Variants in DLGAP1 observed in about 807,000 individuals in gnomAD.
DLGAP1 encodes the protein DLG associated protein 1, also known as disks large-associated protein 1.
Under a neutral mutation model 90.8 loss-of-function variants are expected in DLGAP1, and 11 were observed. The ratio of observed to expected loss-of-function variants is 0.12; its 90% CI spans 0.08 to 0.20. The LOEUF (loss-of-function observed/expected upper bound fraction) is 0.20, where lower values mean the gene tolerates loss of function less well. DLGAP1 is among the 10% of genes least tolerant of loss of function. The pLI, the probability that DLGAP1 is intolerant of heterozygous loss-of-function variation, is 1.00. For synonymous variants in DLGAP1, 558 were observed against 540.7 expected, an observed-to-expected ratio of 1.03 and a Z score of -0.44; for missense variants, 1,050 against 1,333.8, an observed-to-expected ratio of 0.79 and a Z score of 3.31.
chr18:4,166,586 C>T (rs1226269830), intron 1 of DLGAP1, among the ~76,000 whole-genome samples: 1 of 152,188 alleles, frequency 6.6e-6, no homozygotes, highest in Non-Finnish European at 1.5e-5. Context: ...TAGGCTTAAA[C>T]AGATATTTGT....
intron 2 of DLGAP1, among the ~76,000 whole-genome samples, chr18:4,074,536 C>T (rs534798551): frequency 1.1e-3 from 166 of 151,974 alleles, no homozygotes; most frequent in Non-Finnish European, 2.1e-3. Flanking sequence ...AAATCAATTG[C>T]CAAAAGCTTA....
At chr18:4,167,658 G>A (rs1386238679) in intron 1 of DLGAP1, among the ~76,000 whole-genome samples, 1 of 152,126 alleles carries the variant, frequency 6.6e-6, no homozygotes, top group Non-Finnish European at 1.5e-5. Flanking sequence ...ATATAGAAGA[G>A]CTGAACAACA....
intron 7 of DLGAP1, among the ~76,000 whole-genome samples, chr18:3,636,385 T>A (rs1184096947): frequency 6.6e-6 from 1 of 151,662 alleles, no homozygotes; most frequent in African/African-American, 2.4e-5. Context: ...CAATAGAATT[T>A]GTTTTCAATT....
At chr18:3,708,859 G>A (rs1227037822) in intron 7 of DLGAP1, among the ~76,000 whole-genome samples, 1 of 152,160 alleles carries the variant, frequency 6.6e-6, no homozygotes, top group East Asian at 1.9e-4. Context: ...TGCACATTAG[G>A]TGGAAGGAAG....
intron 3 of DLGAP1, among the ~76,000 whole-genome samples, chr18:3,963,781 T>C (rs2148990018): frequency 6.6e-6 from 1 of 152,190 alleles, no homozygotes; most frequent in African/African-American, 2.4e-5. Flanking sequence ...CCCCTTCAGC[T>C]CACGTCCAAC....
chr18:3,600,741 T>TATAGAG (rs1568277554), intron 7 of DLGAP1, among the ~76,000 whole-genome samples: 5 of 48,964 alleles, frequency 1.0e-4, no homozygotes, highest in African/African-American at 6.1e-4. Context: ...TATATATAGA[T>TATAGAG]ATATAGATAT....
At chr18:3,761,582 T>C (rs528590700) in intron 5 of DLGAP1, among the ~76,000 whole-genome samples, 31 of 149,898 alleles carry the variant, frequency 2.1e-4, no homozygotes, top group South Asian at 1.5e-3. Flanking sequence ...TTCTTTCTTT[T>C]TTTTTTTTTT....
chr18:3,768,727 G>T (rs2064373782), intron 5 of DLGAP1, among the ~76,000 whole-genome samples: 1 of 152,110 alleles, frequency 6.6e-6, no homozygotes, highest in East Asian at 1.9e-4. Context: ...TGGAGCAATT[G>T]GACATCCACA....
At chr18:3,788,195 T>C (rs1186421782) in intron 5 of DLGAP1, among the ~76,000 whole-genome samples, 1 of 152,242 alleles carries the variant, frequency 6.6e-6, no homozygotes. Flanking sequence ...TCTTTCTTCA[T>C]CTGAAACATG....
rs181400397 is a variant in DLGAP1 at position 4,261,164 on chromosome 18, T to C, written c.-266-109877A>G. ...CATGATGGGATTTGCACTGAAAATA[T>C]GTCACAGAGGAGAGAGAGAAAGAAA... On this transcript the variant is annotated intron_variant, in intron 1 of 12. Transcript: ENST00000315677. Among the ~76,000 whole-genome samples the C allele has an allele frequency of 3.7e-3, 556 of 152,274 alleles. 2 individuals carry two copies. Among genetic ancestry groups the C allele is most frequent in the Middle Eastern group, 0.017 (5 of 294 alleles).
intron 1 of DLGAP1, among the ~76,000 whole-genome samples, chr18:4,255,024 TG>T (rs1185187816): frequency 1.3e-5 from 2 of 152,296 alleles, no homozygotes; most frequent in African/African-American, 2.4e-5. Flanking sequence ...ATTAGCATGA[TG>T]GACTAGTGAG....
chr18:4,070,776 T>C (rs537776092), intron 2 of DLGAP1, among the ~76,000 whole-genome samples: 21 of 152,292 alleles, frequency 1.4e-4, no homozygotes, highest in African/African-American at 4.3e-4. Context: ...TCTTTAATTA[T>C]ATGAAGTAAA....
At chr18:4,402,061 A>G (rs2082566702) in intron 1 of DLGAP1, among the ~76,000 whole-genome samples, 1 of 152,224 alleles carries the variant, frequency 6.6e-6, no homozygotes, top group South Asian at 2.1e-4. Context: ...CTTGAGAGAA[A>G]GTAGCCTCAG....
chr18:4,270,803 C>T (rs2079261448), intron 1 of DLGAP1, among the ~76,000 whole-genome samples: 1 of 152,164 alleles, frequency 6.6e-6, no homozygotes, highest in Non-Finnish European at 1.5e-5. Context: ...TATAGAACTG[C>T]AGTCATGCAT....
At chr18:4,210,076 T>C (rs973146551) in intron 1 of DLGAP1, among the ~76,000 whole-genome samples, 17 of 152,200 alleles carry the variant, frequency 1.1e-4, no homozygotes, top group Non-Finnish European at 4.4e-5. Flanking sequence ...AAACTTCCCC[T>C]AACCACACAG....
At chr18:3,581,749 A>T (rs2055532587) in intron 8 of DLGAP1, 126 bp downstream of exon 8, 1 of 1,220,312 alleles carries the variant, frequency 8.2e-7, no homozygotes, top group South Asian at 1.4e-5. Context: ...ATCACTTGAA[A>T]ATCTGGTCCT....
chr18:4,165,648 T>G (rs1012722218), intron 1 of DLGAP1, among the ~76,000 whole-genome samples: 1 of 151,936 alleles, frequency 6.6e-6, no homozygotes, highest in Non-Finnish European at 1.5e-5. Flanking sequence ...TATCTAAAAG[T>G]GGGGAAGGTA....
chr18:3,955,772 A>C (rs1327402071), intron 3 of DLGAP1, among the ~76,000 whole-genome samples: 1 of 152,186 alleles, frequency 6.6e-6, no homozygotes, highest in Non-Finnish European at 1.5e-5. Flanking sequence ...CCAATTGAAC[A>C]TCTAGAGAGA....
intron 1 of DLGAP1, among the ~76,000 whole-genome samples, chr18:4,151,671 A>G (rs1265700947): frequency 6.6e-6 from 1 of 152,220 alleles, no homozygotes; most frequent in Non-Finnish European, 1.5e-5. Context: ...TCTCAACAGT[A>G]CAACTAAGCC....
Sources: gnomAD v4.1 joint callset for allele counts (sites outside exome capture counted in the v4.1 genomes callset) on GRCh38, gnomAD v4.1.1 for gene constraint, MANE v1.5 for transcripts, NCBI Gene and HGNC (gene_info 2026-07-23, HGNC 2026-07-21) for gene names.